The following TTC29 variants were observed in gnomAD, a reference collection of about 807,000 sequenced individuals.
The protein encoded by TTC29 is tetratricopeptide repeat domain 29.
Under a neutral mutation model 58.1 loss-of-function variants are expected in TTC29, and 49 were observed. The observed-to-expected ratio is 0.84, with a 90% confidence interval of 0.67 to 1.07. TTC29 has a LOEUF of 1.07. TTC29 is among the 50% of genes least tolerant of loss of function. TTC29 has a pLI of 0.00. For synonymous variants in TTC29, 209 were observed against 196.8 expected (o/e 1.06, Z -0.52); for missense variants, 582 against 555.6 (o/e 1.05, Z -0.48).
chr4:146,782,055 T>C (rs1446811685), intron 11 of TTC29, among the ~76,000 whole-genome samples: 1 of 151,916 alleles, frequency 6.6e-6, no homozygotes, highest in Non-Finnish European at 1.5e-5. Context: ...AAACATGCTA[T>C]TTAGCCAATG....
rs570719615 is a variant in TTC29, at chr4:146,776,457, T to C, written c.1330+27000A>G. 8.5e-4 allele frequency among the ~76,000 whole-genome samples: 130 copies of C among 152,162 alleles called. 2 individuals are homozygous for C. The highest frequency in any genetic ancestry group is 2.5e-3 in the African/African-American group (104 of 41,508). On this transcript the variant is annotated intron_variant, in intron 11 of 12. Transcript: ENST00000325106. ...CTTTGGATGTTTTTTTTTTTTTCTT[T>C]TATCTTCTTTGATGCATTTGGGTGT...
At chr4:146,737,301 T>A (rs1249838678) in intron 11 of TTC29, among the ~76,000 whole-genome samples, 1 of 152,014 alleles carries the variant, frequency 6.6e-6, no homozygotes, top group African/African-American at 2.4e-5. Flanking sequence ...TTAGAAGAAC[T>A]CCCTTCCAGG....
intron 11 of TTC29, among the ~76,000 whole-genome samples, chr4:146,713,518 G>A (rs990210336): frequency 6.6e-6 from 1 of 152,154 alleles, no homozygotes; most frequent in Non-Finnish European, 1.5e-5. Flanking sequence ...TAGAAATCAT[G>A]ATGTGGTAAT....
chr4:146,904,173 C>G (rs910155789), intron 5 of TTC29, among the ~76,000 whole-genome samples: 4 of 151,978 alleles, frequency 2.6e-5, no homozygotes, highest in Admixed American at 2.6e-4. Context: ...ATGAAGAGAG[C>G]AAAATGGATA....
At chr4:146,738,469 T>C (rs1476982122) in intron 11 of TTC29, among the ~76,000 whole-genome samples, 1 of 152,106 alleles carries the variant, frequency 6.6e-6, no homozygotes, top group Non-Finnish European at 1.5e-5. Context: ...GACATCCATA[T>C]AGTATGATGG....
intron 4 of TTC29, among the ~76,000 whole-genome samples, chr4:146,911,585 CA>C (rs1168715665): frequency 3.9e-5 from 6 of 152,188 alleles, no homozygotes; most frequent in African/African-American, 1.4e-4. Context: ...TGCCTAAAGG[CA>C]GGCAGCTGAG....
chr4:146,852,645 C>T (rs777156644), intron 8 of TTC29, among the ~76,000 whole-genome samples: 2 of 152,216 alleles, frequency 1.3e-5, no homozygotes, highest in Non-Finnish European at 2.9e-5. Flanking sequence ...CTAGCTCTTG[C>T]TCCCTATTGT....
At chr4:146,852,402 G>T (rs191212977) in intron 8 of TTC29, among the ~76,000 whole-genome samples, 1 of 152,178 alleles carries the variant, frequency 6.6e-6, no homozygotes, top group African/African-American at 2.4e-5. Context: ...AGTTAGAGGC[G>T]TGGGCTCCTG....
intron 10 of TTC29, chr4:146,812,895 A>T (rs1751117789): frequency 6.6e-6 from 1 of 152,176 alleles, no homozygotes; most frequent in South Asian, 2.1e-4. Context: ...TCCCTATTCT[A>T]TTATAAAATT....
intron 4 of TTC29, among the ~76,000 whole-genome samples, chr4:146,914,774 G>GA (rs1734109660): frequency 6.6e-6 from 1 of 152,084 alleles, no homozygotes; most frequent in Non-Finnish European, 1.5e-5. Flanking sequence ...ATTCAATGGA[G>GA]ATGTTGTTAA....
chr4:146,815,555 T>A (rs1751342215), intron 10 of TTC29, among the ~76,000 whole-genome samples: 1 of 152,124 alleles, frequency 6.6e-6, no homozygotes, highest in Admixed American at 6.6e-5. Context: ...GTCACTGGCA[T>A]ATGGATAGTA....
intron 8 of TTC29, among the ~76,000 whole-genome samples, chr4:146,841,001 T>C (rs544053402): frequency 1.3e-5 from 2 of 152,022 alleles, no homozygotes; most frequent in South Asian, 2.1e-4. Context: ...TTTCAACTGA[T>C]AAATTAAAGA....
intron 9 of TTC29, among the ~76,000 whole-genome samples, chr4:146,824,492 A>T (rs1232481598): frequency 6.6e-6 from 1 of 152,096 alleles, no homozygotes; most frequent in Non-Finnish European, 1.5e-5. Flanking sequence ...GTGCTGCTGG[A>T]ATCAGTCTGC....
chr4:146,755,927 A>G (rs1219201398), intron 11 of TTC29, among the ~76,000 whole-genome samples: 1 of 152,134 alleles, frequency 6.6e-6, no homozygotes, highest in African/African-American at 2.4e-5. Flanking sequence ...ATAGGTTACT[A>G]AAATTCAACT....
At chr4:146,751,863 T>G (rs549706142) in intron 11 of TTC29, among the ~76,000 whole-genome samples, 4 of 151,728 alleles carry the variant, frequency 2.6e-5, no homozygotes, top group Admixed American at 1.3e-4. Flanking sequence ...AAATACAAAA[T>G]AGAAAAATCA....
At chr4:146,795,325 T>C (rs1749758430) in intron 11 of TTC29, among the ~76,000 whole-genome samples, 1 of 152,110 alleles carries the variant, frequency 6.6e-6, no homozygotes, top group South Asian at 2.1e-4. Context: ...AATGAAGACA[T>C]ATGCTACTAC....
intron 8 of TTC29, among the ~76,000 whole-genome samples, chr4:146,863,696 G>A (rs1435780771): frequency 6.6e-6 from 1 of 152,170 alleles, no homozygotes; most frequent in Non-Finnish European, 1.5e-5. Flanking sequence ...ACCATCTGCT[G>A]TCCATAAACT....
intron 11 of TTC29, among the ~76,000 whole-genome samples, chr4:146,741,185 T>A (rs888370283): frequency 2.0e-5 from 3 of 152,222 alleles, no homozygotes; most frequent in Admixed American, 2.0e-4. Context: ...ACATGATACG[T>A]AAGTAATATT....
intron 10 of TTC29, among the ~76,000 whole-genome samples, chr4:146,812,465 A>G (rs1751089661): frequency 6.6e-6 from 1 of 152,216 alleles, no homozygotes; most frequent in Non-Finnish European, 1.5e-5. Context: ...CAGAAGGAGC[A>G]GTAAATGGAG....
Sources: allele counts gnomAD v4.1 joint callset (sites outside exome capture counted in the v4.1 genomes callset), GRCh38; gene constraint gnomAD v4.1.1; transcripts MANE v1.5; gene names NCBI Gene and HGNC (gene_info 2026-07-23, HGNC 2026-07-21).